SHB: variants seen among roughly 807,000 people sequenced by gnomAD.
The protein encoded by SHB is SH2 domain-containing adapter protein B.
A neutral mutation model predicts 52.3 loss-of-function variants in SHB; 20 were observed. That is an observed-to-expected ratio of 0.38 (90% confidence interval 0.27 to 0.56). The LOEUF (loss-of-function observed/expected upper bound fraction) is 0.56. SHB is among the 20% of genes least tolerant of loss of function. The pLI is 0.71. For missense variants in SHB, 825 were observed against 723.3 expected (o/e 1.14, Z -1.61); for synonymous variants, 397 against 316.5 (o/e 1.25, Z -2.70).
At chr9:38,065,929 C>A (rs1011322924) in intron 1 of SHB, among the ~76,000 whole-genome samples, 2 of 152,168 alleles carry the variant, frequency 1.3e-5, no homozygotes, top group African/African-American at 4.8e-5. Context: ...ATGGCCCTGC[C>A]TCCAAGGTGC....
At chr9:37,934,293 G>A (rs780422681) in intron 5 of SHB, among the ~76,000 whole-genome samples, 2 of 152,122 alleles carry the variant, frequency 1.3e-5, no homozygotes, top group South Asian at 4.2e-4. Context: ...GCATGGGGCC[G>A]AGAGCTTTTC....
At chr9:37,975,726 A>C (rs1478771832) in intron 2 of SHB, among the ~76,000 whole-genome samples, 3 of 152,088 alleles carry the variant, frequency 2.0e-5, no homozygotes, top group Admixed American at 6.5e-5. Context: ...CCAAGCGGGG[A>C]ATGTGGGGAA....
intron 2 of SHB, among the ~76,000 whole-genome samples, chr9:37,992,760 A>G (rs909781346): frequency 1.3e-5 from 2 of 152,350 alleles, no homozygotes; most frequent in African/African-American, 2.4e-5. Context: ...CATCAACCAC[A>G]GGACCACAGG....
intron 2 of SHB, among the ~76,000 whole-genome samples, chr9:37,988,234 G>C (rs1249498359): frequency 6.6e-6 from 1 of 152,124 alleles, no homozygotes; most frequent in Non-Finnish European, 1.5e-5. Flanking sequence ...CAATGACGAG[G>C]CTGCCAGCCT....
chr9:37,917,243 C>A lies in SHB; in HGVS notation c.*2578G>T, dbSNP rs1029801686. Among the ~76,000 whole-genome samples the A allele has an allele frequency of 6.6e-6, 1 of 152,200 alleles. No individual in the cohort carries two copies. The highest frequency in any genetic ancestry group is 1.5e-5 in the Non-Finnish European group (1 of 68,034). On this transcript the variant is annotated 3_prime_UTR_variant, in exon 6 of 6. Coordinates refer to ENST00000377707, the MANE Select transcript of SHB (RefSeq NM_003028.3). ...GAAAAAAATTCTTTTCAGCAGCTCC[C>A]ATCCTGTAAGCTGGCTCCTCTGCTG...
At chr9:38,045,974 C>T (rs1005802161) in intron 1 of SHB, among the ~76,000 whole-genome samples, 2 of 152,102 alleles carry the variant, frequency 1.3e-5, no homozygotes, top group African/African-American at 4.8e-5. Context: ...CGCCTGTAAT[C>T]CTAGCACTTT....
intron 1 of SHB, among the ~76,000 whole-genome samples, chr9:38,051,178 C>T (rs1250992671): frequency 6.6e-6 from 1 of 152,108 alleles, no homozygotes; most frequent in African/African-American, 2.4e-5. Context: ...CAGGGTGGCT[C>T]ATGCCTGTAA....
intron 1 of SHB, among the ~76,000 whole-genome samples, chr9:38,052,526 T>C (rs1391028649): frequency 6.6e-6 from 1 of 152,250 alleles, no homozygotes; most frequent in Non-Finnish European, 1.5e-5. Flanking sequence ...GATTGCCCAG[T>C]GTCATCTGAG....
chr9:37,945,072 G>C (rs756959575), intron 5 of SHB, among the ~76,000 whole-genome samples: 1 of 152,106 alleles, frequency 6.6e-6, no homozygotes, highest in Non-Finnish European at 1.5e-5. Context: ...AAGGGTGCAC[G>C]GGGTGTCCTC....
At chr9:38,014,450 C>G (rs1451117268) in intron 2 of SHB, among the ~76,000 whole-genome samples, 1 of 152,242 alleles carries the variant, frequency 6.6e-6, no homozygotes, top group Admixed American at 6.5e-5. Context: ...GTCGCAGGGC[C>G]CAGGCATGCA....
chr9:38,042,105 G>A (rs1821588939), intron 1 of SHB, among the ~76,000 whole-genome samples: 1 of 152,178 alleles, frequency 6.6e-6, no homozygotes, highest in South Asian at 2.1e-4. Context: ...TGGAGCGCAG[G>A]CCCTAGGGTG....
intron 2 of SHB, among the ~76,000 whole-genome samples, chr9:38,011,970 G>A (rs1264743633): frequency 6.6e-6 from 1 of 152,162 alleles, no homozygotes; most frequent in African/African-American, 2.4e-5. Flanking sequence ...GTGAAGGGCT[G>A]AGCATCCATC....
chr9:37,983,007 T>A (rs1466771307), intron 2 of SHB, among the ~76,000 whole-genome samples: 2 of 142,898 alleles, frequency 1.4e-5, no homozygotes, highest in African/African-American at 5.1e-5. Context: ...TGTGCTGGCA[T>A]CCACCTGTCC....
chr9:37,985,698 C>G (rs374743884), intron 2 of SHB, among the ~76,000 whole-genome samples: 1 of 152,330 alleles, frequency 6.6e-6, no homozygotes, highest in East Asian at 1.9e-4. Context: ...TTTTCTTCCT[C>G]GAATACCCAC....
chr9:37,999,240 A>G (rs1045884528), intron 2 of SHB, among the ~76,000 whole-genome samples: 2 of 152,144 alleles, frequency 1.3e-5, no homozygotes, highest in Non-Finnish European at 2.9e-5. Context: ...TCATCAGGGG[A>G]CAGTGAGGAG....
chr9:37,918,374 C>CGTGTGTGT lies in SHB; in HGVS notation c.*1446_*1447insACACACAC, dbSNP rs113506995. Among the ~76,000 whole-genome samples, 1 of 139,090 alleles carries CGTGTGTGT rather than the reference C, an allele frequency of 7.2e-6. No individual in the cohort carries two copies. Among genetic ancestry groups the CGTGTGTGT allele is most frequent in the African/African-American group, 2.8e-5 (1 of 35,870 alleles). 91.2% of individuals were successfully genotyped at this position (139,090 alleles called of 152,430 possible). On this transcript the variant is annotated 3_prime_UTR_variant, in exon 6 of 6. Transcript: ENST00000377707. ...AAGAGAGAGGTCGCGTGTGCGTGTG[C>CGTGTGTGT]GTGTGTAGGTGTTCTTGTGTGTGGA...
intron 1 of SHB, among the ~76,000 whole-genome samples, 176 bp downstream of exon 1, chr9:38,067,753 C>A (rs1014479790): frequency 5.9e-5 from 9 of 152,178 alleles, no homozygotes; most frequent in Non-Finnish European, 1.0e-4. Context: ...AGGAGGCCGC[C>A]GGTCCCAGGA....
At position 37,917,098 on chromosome 9, in the gene SHB, G is replaced by A. The variant is rs1832110051; in HGVS notation, c.*2723C>T. Among the ~76,000 whole-genome samples the A allele has an allele frequency of 6.6e-6, 1 of 151,598 alleles. No homozygotes were observed. The highest frequency in any genetic ancestry group is 1.5e-5 in the Non-Finnish European group (1 of 67,980). Reference sequence around the variant, plus strand: ...ACCAAAGCCAGTAACCTGAATGTGAGTGTTTCTGAAAGGGAAAAGCTGTTT... The same window carrying A: ...ACCAAAGCCAGTAACCTGAATGTGAATGTTTCTGAAAGGGAAAAGCTGTTT... On this transcript the variant is annotated 3_prime_UTR_variant, in exon 6 of 6. Transcript: ENST00000377707.
At chr9:38,010,600 C>G (rs1332270570) in intron 2 of SHB, among the ~76,000 whole-genome samples, 1 of 152,210 alleles carries the variant, frequency 6.6e-6, no homozygotes, top group Non-Finnish European at 1.5e-5. Context: ...CTCCCACAAC[C>G]CACTCTACTT....
Sources: gnomAD v4.1 joint callset for allele counts (sites outside exome capture counted in the v4.1 genomes callset) on GRCh38, gnomAD v4.1.1 for gene constraint, MANE v1.5 for transcripts, NCBI Gene and HGNC (gene_info 2026-07-23, HGNC 2026-07-21) for gene names.